DOP1B: variants seen among roughly 807,000 people sequenced by gnomAD.
DOP1B encodes the protein DOP1 leucine zipper like protein B.
DOP1B carries 174 observed loss-of-function variants against 233.5 expected under a neutral mutation model. The observed-to-expected ratio is 0.75, with a 90% CI of 0.66 to 0.85. DOP1B has a LOEUF of 0.85. Ranked by LOEUF, DOP1B falls within the 40% of genes least tolerant of loss-of-function variation. The pLI is 0.00. For synonymous variants in DOP1B, 1,190 were observed against 1,185.6 expected (o/e 1.00, Z -0.08); for missense variants, 2,652 against 2,846.6 (o/e 0.93, Z 1.56).
rs765134236 is a variant in DOP1B, at chr21:36,219,401, G to A, written c.1159G>A (p.Glu387Lys). 9.9e-6 allele frequency: 16 copies of A among 1,613,962 alleles called. No homozygotes were observed. Among genetic ancestry groups the A allele is most frequent in the African/African-American group, 1.3e-5 (1 of 74,906 alleles). The change falls in exon 10 of 37, where the codon GAA (glutamate) becomes AAA (lysine). Residue 387 changes from glutamate to lysine, a missense_variant. Physicochemically the swap from Glu to Lys is moderately conservative, Grantham distance 56. Around this residue, in one of 3 missense-constraint regions of DOP1B, gnomAD observed 2,617 missense variants for 2,794.3 expected, o/e 0.94. Transcript: ENST00000691173. ...TCAAGTGGTTGGGAATTTGTTTCTC[G>A]AAGTCATCAGGGCCTTTTATTCTTA... ...GPQVVGNLFL[E>K]VIRAFYSYCR...
chr21:36,251,302 A>G lies in DOP1B; in HGVS notation c.5121+18A>G. On this transcript the variant is annotated intron_variant, in intron 22 of 36. Transcript: ENST00000691173. ...AGATGAAGGTAAAGTTTAAAAAGTT[A>G]CAGGAGTGGTTAAACTTACTGTGAC... 2 of 1,606,012 alleles carry G rather than the reference A, an allele frequency of 1.2e-6. No individual in the cohort carries two copies. Among genetic ancestry groups the G allele is most frequent in the Non-Finnish European group, 1.7e-6 (2 of 1,177,662 alleles).
In DOP1B at chr21:36,281,441, G is replaced by T. The variant is rs770715804; in HGVS notation, c.6032-42G>T. On this transcript the variant is annotated intron_variant, in intron 31 of 36. Coordinates refer to ENST00000691173, the MANE Select transcript of DOP1B (RefSeq NM_001320714.2). Reference sequence around the variant, plus strand: ...AATTTCCCATCACTTCCCTCCAATTGTGGTTTTCTCACTAAGTAAAACATT... The same window carrying T: ...AATTTCCCATCACTTCCCTCCAATTTTGGTTTTCTCACTAAGTAAAACATT... 4.5e-6 allele frequency: 7 copies of T among 1,540,858 alleles called. No homozygotes were observed. The Admixed American group carries it at 9.1e-5, about 20-fold the overall frequency.
At chr21:36,177,912 T>C (rs1327263167) in intron 2 of DOP1B, among the ~76,000 whole-genome samples, 2 of 152,160 alleles carry the variant, frequency 1.3e-5, no homozygotes, top group Admixed American at 6.5e-5. Flanking sequence ...GACTAAAATA[T>C]CCAGCAATCT....
intron 15 of DOP1B, among the ~76,000 whole-genome samples, chr21:36,235,075 A>G (rs1203854921): frequency 1.3e-5 from 2 of 152,104 alleles, no homozygotes; most frequent in African/African-American, 4.8e-5. Flanking sequence ...GAGTACCAAG[A>G]TTTATTCCTT....
At chr21:36,198,457 A>G (rs554575924) in intron 2 of DOP1B, among the ~76,000 whole-genome samples, 1 of 151,996 alleles carries the variant, frequency 6.6e-6, no homozygotes, top group South Asian at 2.1e-4. Context: ...AAAAAAGATT[A>G]AGCCATGAGG....
chr21:36,204,270 C>T (rs1270243335), intron 4 of DOP1B, among the ~76,000 whole-genome samples: 2 of 152,160 alleles, frequency 1.3e-5, no homozygotes, highest in African/African-American at 4.8e-5. Context: ...GTTCAGAAAC[C>T]CTGGCTTAAA....
chr21:36,174,834 T>A (rs2066006323), intron 2 of DOP1B, among the ~76,000 whole-genome samples: 2 of 152,136 alleles, frequency 1.3e-5, no homozygotes, highest in Non-Finnish European at 2.9e-5. Context: ...CTGAATCAAC[T>A]CCTCTTCCCT....
At chr21:36,226,138 C>T (rs1009106759) in intron 12 of DOP1B, among the ~76,000 whole-genome samples, 1 of 152,152 alleles carries the variant, frequency 6.6e-6, no homozygotes, top group Admixed American at 6.6e-5. Flanking sequence ...CCGAGCCTAG[C>T]TCTGTGGTAT....
chr21:36,289,424 G>GGTGTGT (rs59907412), intron 35 of DOP1B, among the ~76,000 whole-genome samples: 4,920 of 144,514 alleles, frequency 0.034, 125 homozygotes, highest in Non-Finnish European at 0.046. Context: ...GTGTTTCTAT[G>GGTGTGT]GTGTGTGTGT....
rs2066970021 is a variant in DOP1B at position 36,246,678 on chromosome 21, G to A, written c.4697+1G>A. ...GCGAATCTGTGAAGCTCTCTGTCAG[G>A]TGCGTTACGCTCCTTGTGACATCTT... On this transcript the variant is annotated splice_donor_variant, in intron 19 of 36. Transcript: ENST00000691173. LOFTEE classifies it high-confidence loss of function. This position sits in a 1 kb window ranked among gnomAD's most constrained non-coding sequence, Gnocchi z 5.1. The A allele has an allele frequency of 3.7e-6, 6 of 1,606,484 alleles. No individual in the cohort carries two copies. The highest frequency in any genetic ancestry group is 5.1e-6 in the Non-Finnish European group (6 of 1,174,188).
chr21:36,231,185 G>A (rs368455301), intron 14 of DOP1B, 51 bp downstream of exon 14: 18 of 1,527,946 alleles, frequency 1.2e-5, no homozygotes, highest in African/African-American at 4.1e-5. Flanking sequence ...ACGATGAGGC[G>A]ATTGACGTGG....
intron 2 of DOP1B, among the ~76,000 whole-genome samples, chr21:36,174,165 A>G (rs1319348087): frequency 6.6e-6 from 1 of 152,190 alleles, no homozygotes; most frequent in African/African-American, 2.4e-5. Flanking sequence ...AGCCCTTTAC[A>G]GATCGGCTGC....
intron 12 of DOP1B, among the ~76,000 whole-genome samples, chr21:36,227,275 C>T (rs924014236): frequency 1.6e-4 from 23 of 145,920 alleles, no homozygotes; most frequent in Non-Finnish European, 3.0e-4. Context: ...GGGTCAGGCA[C>T]GGTGGCTCAC....
intron 4 of DOP1B, among the ~76,000 whole-genome samples, chr21:36,207,489 AGTTTTTTTT>A (rs1430081619): frequency 0.017 from 2,333 of 134,936 alleles, 65 homozygotes; most frequent in African/African-American, 0.061. Context: ...CCAGCCAAAC[AGTTTTTTTT>A]GTTTTTTTTT....
At position 36,230,643 on chromosome 21, in the gene DOP1B, G is replaced by A. The variant is rs781105615; in HGVS notation, c.1859G>A (p.Gly620Asp). ...SLERDDVWKK[G>D]GSMQRTFLCI... ...GAAAGGGACGACGTTTGGAAGAAGG[G>A]CGGGAGCATGCAGAGGACGTTTCTT... is the stretch of plus-strand genomic sequence containing the variant. The change falls in exon 14 of 37, where the codon GGC (glycine) becomes GAC (aspartate). Residue 620 changes from glycine to aspartate, a missense_variant. By Grantham distance (94) the Gly-to-Asp change is moderately conservative. Coordinates refer to ENST00000691173, the MANE Select transcript of DOP1B (RefSeq NM_001320714.2). 17 of 1,614,206 alleles carry A rather than the reference G, an allele frequency of 1.1e-5. No individual in the cohort carries two copies. The highest frequency in any genetic ancestry group is 1.4e-5 in the Non-Finnish European group (16 of 1,180,038).
Position 36,219,372 on chromosome 21 carries a change from G to C in DOP1B, c.1130G>C (p.Gly377Ala). ...LISLLDKPEI[G>A]PQVVGNLFLE... is the part of the protein sequence containing the mutation. ...CTGACCATCTTCCTTCTAATTACAG[G>C]GCCTCAAGTGGTTGGGAATTTGTTT... Residue 377 changes from glycine (G) to alanine (A), a missense_variant and splice_region_variant, in exon 10 of 37, where the codon GGG (glycine) becomes GCG (alanine). Around this residue, in one of 3 missense-constraint regions of DOP1B, gnomAD observed 2,617 missense variants for 2,794.3 expected, o/e 0.94. Coordinates refer to ENST00000691173, the MANE Select transcript of DOP1B (RefSeq NM_001320714.2). The C allele has an allele frequency of 6.2e-7, 1 of 1,614,104 alleles. No homozygotes were observed. The highest frequency in any genetic ancestry group is 1.1e-5 in the South Asian group (1 of 91,070).
At chr21:36,219,615 A>T in intron 10 of DOP1B, 123 bp downstream of exon 10, 1 of 1,358,148 alleles carries the variant, frequency 7.4e-7, no homozygotes, top group Admixed American at 2.3e-5. Flanking sequence ...AGCAGGTGAG[A>T]CCATTGGTGA....
At chr21:36,293,076 G>C (rs993386715) in intron 36 of DOP1B, among the ~76,000 whole-genome samples, 1 of 151,900 alleles carries the variant, frequency 6.6e-6, no homozygotes, top group Non-Finnish European at 1.5e-5. Flanking sequence ...CATGGTGACC[G>C]GTACCTGTAA....
chr21:36,259,018 C>G (rs1469079290), intron 23 of DOP1B, among the ~76,000 whole-genome samples: 1 of 146,458 alleles, frequency 6.8e-6, no homozygotes, highest in Non-Finnish European at 1.5e-5. Context: ...CTCTGTCGCC[C>G]AGGCTGGCGC....
Sources: allele counts gnomAD v4.1 joint callset (sites outside exome capture counted in the v4.1 genomes callset), GRCh38; gene constraint gnomAD v4.1.1; regional missense constraint gnomAD v4.1.1; non-coding constraint Gnocchi (gnomAD v3.1); transcripts MANE v1.5; gene names NCBI Gene and HGNC (gene_info 2026-07-23, HGNC 2026-07-21).